The following UGT2B11 variants were observed in gnomAD, a reference collection of about 807,000 sequenced individuals.
UGT2B11 encodes UDP-glucuronosyltransferase 2B11.
In UGT2B11, 49 loss-of-function variants were observed where a neutral mutation model predicts 51.7. The observed-to-expected ratio is 0.95, with a 90% CI of 0.75 to 1.20. The LOEUF is 1.20. Ranked by LOEUF, UGT2B11 falls within the 50% of genes most tolerant of loss-of-function variation. UGT2B11 has a pLI of 0.00. For missense variants in UGT2B11, 810 were observed against 622.1 expected, an observed-to-expected ratio of 1.30 and a Z score of -3.21; for synonymous variants, 273 against 209.0, an observed-to-expected ratio of 1.31 and a Z score of -2.64.
At chr4:69,220,495 C>G in the UGT2B11 span, among the ~76,000 whole-genome samples, 1 of 4,064 alleles carries the variant, frequency 2.5e-4, no homozygotes, top group Non-Finnish European at 1.3e-3. Context: ...TGCACTCACA[C>G]TGTGCTAACA....
At chr4:69,220,225 G>A in the UGT2B11 span, among the ~76,000 whole-genome samples, 1 of 149,310 alleles carries the variant, frequency 6.7e-6, no homozygotes, top group South Asian at 2.2e-4. Flanking sequence ...AGGTCACACT[G>A]ATATAAGCGG....
At chr4:69,208,207 G>T in intron 3 of UGT2B11, 144 bp downstream of exon 3, 1 of 1,483,964 alleles carries the variant, frequency 6.7e-7, no homozygotes, top group Non-Finnish European at 9.0e-7. Context: ...TATTACTTGT[G>T]TTGGTGGAAG....
chr4:69,220,133 A>G, the UGT2B11 span, among the ~76,000 whole-genome samples: 1 of 152,208 alleles, frequency 6.6e-6, no homozygotes, highest in Non-Finnish European at 1.5e-5. Flanking sequence ...GCTCCATGCA[A>G]GTCCGAAATC....
chr4:69,200,342 G>A lies in UGT2B11; in HGVS notation c.*98C>T. 1.0e-6 allele frequency: 1 copy of A among 992,858 alleles called. No homozygotes were observed. The highest frequency in any genetic ancestry group is 1.3e-6 in the Non-Finnish European group (1 of 760,848). The allele number at this position is 992,858 out of a possible 1,614,324, so 61.5% of individuals were successfully genotyped here. A position where few individuals can be genotyped will look rare whatever the true frequency, so the allele number is the denominator to read the frequency against. On this transcript the variant is annotated 3_prime_UTR_variant, in exon 6 of 6. Transcript: ENST00000446444. Reference sequence around the variant, plus strand: ...TTTTTTTTTTTTTTTTTTGTCACAGGAAGAAAGAAATCTTGCATAACAATC... The same window carrying A: ...TTTTTTTTTTTTTTTTTTGTCACAGAAAGAAAGAAATCTTGCATAACAATC...
At chr4:69,207,524 G>C (rs1037474065) in intron 3 of UGT2B11, among the ~76,000 whole-genome samples, 1 of 151,550 alleles carries the variant, frequency 6.6e-6, no homozygotes, top group African/African-American at 2.4e-5. Context: ...TCTTCCTTCT[G>C]TTTGACTCCT....
rs1457128729 is a variant in UGT2B11, at chr4:69,214,309, T to A, written c.414A>T (p.Lys138Asn). The A allele has an allele frequency of 6.2e-7, 1 of 1,613,186 alleles. No homozygotes were observed. The highest frequency in any genetic ancestry group is 1.1e-5 in the South Asian group (1 of 91,042). The stretch of plus-strand genomic sequence containing the variant: ...TGTCAAATCTTGACTCTTGTAGTTT[T>A]TTCATAACTTTCTTATTTGAAACTA... Reference protein sequence around the residue: ...KDVVSNKKVMKKLQESRFDIV... With the variant: ...KDVVSNKKVMNKLQESRFDIV... Residue 138 changes from lysine (K) to asparagine (N), a missense_variant, in exon 1 of 6, where the codon AAA becomes AAT. Lys to Asn is a moderately conservative substitution (Grantham distance 94). Coordinates refer to ENST00000446444, the MANE Select transcript of UGT2B11 (RefSeq NM_001073.3).
chr4:69,205,356 C>G, intron 4 of UGT2B11, 124 bp downstream of exon 4: 2 of 1,301,586 alleles, frequency 1.5e-6, no homozygotes, highest in East Asian at 2.4e-5. Flanking sequence ...TCCCCTAGGA[C>G]TGGAAAATAA....
chr4:69,219,782 G>C, the UGT2B11 span, among the ~76,000 whole-genome samples: 1 of 152,144 alleles, frequency 6.6e-6, no homozygotes, highest in Admixed American at 6.5e-5. Context: ...CTCTCACCAA[G>C]TTCCTCCCAC....
At chr4:69,224,317 C>A in the UGT2B11 span, among the ~76,000 whole-genome samples, 2 of 152,038 alleles carry the variant, frequency 1.3e-5, no homozygotes, top group Non-Finnish European at 2.9e-5. Flanking sequence ...ATGGTCTCAA[C>A]CAGGAAATCT....
upstream of UGT2B11, among the ~76,000 whole-genome samples, chr4:69,218,268 G>A (rs1722325942): frequency 6.6e-6 from 1 of 152,006 alleles, no homozygotes. Context: ...AAAAAGAACA[G>A]ACAACAAAAT....
At position 69,205,550 on chromosome 4, in the gene UGT2B11, G is replaced by T; in HGVS notation, c.1020C>A (p.Asp340Glu). 6.2e-7 allele frequency: 1 copy of T among 1,609,920 alleles called. No homozygotes were observed. The highest frequency in any genetic ancestry group is 8.5e-7 in the Non-Finnish European group (1 of 1,177,664). ...KIPQKVLWRFDGNKPDALGLN... is the reference protein window; with the variant it reads ...KIPQKVLWRFEGNKPDALGLN... ...GACCTAAGGCATCTGGTTTATTCCC[G>T]TCAAATCTCCACAGAACCTGTTACA... Residue 340 changes from aspartate (D) to glutamate (E), a missense_variant, in exon 4 of 6, where the codon GAC becomes GAA. Asp to Glu is a conservative substitution (Grantham distance 45). Coordinates refer to ENST00000446444, the MANE Select transcript of UGT2B11 (RefSeq NM_001073.3).
chr4:69,218,546 G>A (rs1722332623), upstream of UGT2B11, among the ~76,000 whole-genome samples: 1 of 151,972 alleles, frequency 6.6e-6, no homozygotes, highest in Non-Finnish European at 1.5e-5. Flanking sequence ...TAAAATAATA[G>A]AAGAGTGAGG....
chr4:69,217,523 T>G (rs1722304309), upstream of UGT2B11, among the ~76,000 whole-genome samples: 1 of 152,052 alleles, frequency 6.6e-6, no homozygotes, highest in Admixed American at 6.6e-5. Context: ...ATGAAGTGAT[T>G]AACAACTGAC....
chr4:69,217,654 A>G (rs375077357), upstream of UGT2B11, among the ~76,000 whole-genome samples: 2 of 152,104 alleles, frequency 1.3e-5, no homozygotes, highest in African/African-American at 4.8e-5. Context: ...TTGAAGGCCA[A>G]TTCTCCTCAT....
At position 69,208,409 on chromosome 4, in the gene UGT2B11, T is replaced by A. The variant is rs1240388353; in HGVS notation, c.944A>T (p.Asn315Ile). ...VVFSLGSVISNMTAERANVIA... is the reference protein window; with the variant it reads ...VVFSLGSVISIMTAERANVIA... ...TACATTGGCCCTTTCTGCTGTCATG[T>A]TACTTATCACTGACCCCAGAGAAAA... The change falls in exon 3 of 6, where the codon AAC becomes ATC. Residue 315 changes from asparagine to isoleucine, a missense_variant. Asn to Ile is a moderately radical substitution (Grantham distance 149). Transcript: ENST00000446444. 1.9e-6 allele frequency: 3 copies of A among 1,610,922 alleles called. No individual in the cohort carries two copies.
Position 69,214,028 on chromosome 4 carries a change from C to T in UGT2B11, c.695G>A (p.Trp232Ter). The T allele has an allele frequency of 1.3e-6, 2 of 1,594,498 alleles. No individual in the cohort carries two copies. Among genetic ancestry groups the T allele is most frequent in the Non-Finnish European group, 1.7e-6 (2 of 1,171,306 alleles). The change falls in exon 1 of 6, where the codon TGG (tryptophan) becomes TAG (stop). Residue 232 changes from tryptophan (W) to a stop codon, truncating the protein, a stop_gained. Transcript: ENST00000446444. LOFTEE classifies it high-confidence loss of function. ...FWFQMSDMKK[W>*]DQFYSEVLGR... Reference sequence around the variant, plus strand: ...TAAAACTTCACTGTAAAACTGATCCCACTTCTTCATATCAGACATTTGGAA... The same window carrying T: ...TAAAACTTCACTGTAAAACTGATCCTACTTCTTCATATCAGACATTTGGAA...
intron 2 of UGT2B11, among the ~76,000 whole-genome samples, chr4:69,209,018 C>G (rs13148581): frequency 1.3e-5 from 2 of 151,650 alleles, no homozygotes; most frequent in African/African-American, 2.4e-5. Context: ...TGTTCCTCTA[C>G]AATGCTTTAT....
At chr4:69,221,893 T>C in the UGT2B11 span, among the ~76,000 whole-genome samples, 2 of 152,252 alleles carry the variant, frequency 1.3e-5, no homozygotes, top group African/African-American at 4.8e-5. Flanking sequence ...TGGGTGCTTC[T>C]GGTCCAGAGG....
chr4:69,205,435 T>C lies in UGT2B11; in HGVS notation c.1090+45A>G, dbSNP rs776869909. The C allele has an allele frequency of 6.3e-6, 10 of 1,587,362 alleles. No homozygotes were observed. In the South Asian group the frequency reaches 6.8e-5, roughly 11 times the overall value. On this transcript the variant is annotated intron_variant, in intron 4 of 5. Transcript: ENST00000446444. ...TAAGCATGTTTCATTAACCCTCTAA[T>C]GTGCAGTTACTAATATATCCAGTAT... is the stretch of plus-strand genomic sequence containing the variant.
Sources: allele counts gnomAD v4.1 joint callset (sites outside exome capture counted in the v4.1 genomes callset), GRCh38; gene constraint gnomAD v4.1.1; transcripts MANE v1.5; gene names NCBI Gene and HGNC (gene_info 2026-07-23, HGNC 2026-07-21).